EPS15L1: variants seen among roughly 807,000 people sequenced by gnomAD.
EPS15L1 encodes epidermal growth factor receptor pathway substrate 15 like 1, also known as epidermal growth factor receptor substrate 15-like 1.
Under a neutral mutation model 117.1 loss-of-function variants are expected in EPS15L1, and 43 were observed. The observed-to-expected ratio is 0.37, with a 90% CI of 0.29 to 0.47. The LOEUF is 0.47. Among genes scored for constraint, EPS15L1 ranks in the 20% least tolerant of loss-of-function variants. The probability of loss-of-function intolerance (pLI) is 0.99; values close to 1 mark genes in which losing one functional copy is unlikely to be tolerated. For synonymous variants in EPS15L1, 459 were observed against 470.5 expected, an observed-to-expected ratio of 0.98 and a Z score of 0.32; for missense variants, 981 against 1,164.0, an observed-to-expected ratio of 0.84 and a Z score of 2.29.
chr19:16,467,743 A>G (rs548766207), intron 1 of EPS15L1, among the ~76,000 whole-genome samples: 38 of 152,362 alleles, frequency 2.5e-4, no homozygotes, highest in Middle Eastern at 3.4e-3. Context: ...CGAGCCACTC[A>G]GCATTCATTC....
chr19:16,373,714 C>T (rs900444780), intron 22 of EPS15L1, among the ~76,000 whole-genome samples: 3 of 152,144 alleles, frequency 2.0e-5, no homozygotes, highest in Non-Finnish European at 4.4e-5. Flanking sequence ...GGCTCTGATT[C>T]CCTTGACCAG....
Position 16,377,265 on chromosome 19 carries a change from G to C in EPS15L1, c.2248-11C>G. The C allele has an allele frequency of 6.2e-7, 1 of 1,608,580 alleles. No homozygotes were observed. Among genetic ancestry groups the C allele is most frequent in the Non-Finnish European group, 8.5e-7 (1 of 1,178,482 alleles). ...GCCAGAAGGTGGGGGCTGTAAGAGA[G>C]GACATGAAAGAGAGGCAAAAATAGT... On this transcript the variant is annotated splice_polypyrimidine_tract_variant and intron_variant, in intron 21 of 23. Transcript: ENST00000455140.
intron 4 of EPS15L1, 130 bp from the exon 5 acceptor site, chr19:16,437,995 C>T: frequency 1.5e-6 from 1 of 676,698 alleles, no homozygotes. Flanking sequence ...GTGCAAAAAC[C>T]CCTTGGAGCG....
intron 1 of EPS15L1, among the ~76,000 whole-genome samples, chr19:16,461,909 C>T (rs1406404740): frequency 2.6e-5 from 4 of 152,316 alleles, no homozygotes; most frequent in South Asian, 2.1e-4. Flanking sequence ...AGACAGACTG[C>T]GCTCCTGGCT....
rs1295847011 is a variant in EPS15L1 at position 16,393,356 on chromosome 19, A to G, written c.1966+595T>C. Among the ~76,000 whole-genome samples the G allele has an allele frequency of 2.0e-5, 3 of 152,110 alleles. No individual in the cohort carries two copies. In the East Asian group the frequency reaches 5.8e-4, roughly 29 times the overall value. On this transcript the variant is annotated intron_variant, in intron 18 of 23. Coordinates refer to ENST00000455140, the MANE Select transcript of EPS15L1 (RefSeq NM_001258374.3). The stretch of plus-strand genomic sequence containing the variant: ...ATGTTACATAAATTTCACCTGAAAA[A>G]AAATAAATCGGTCGGGCATGGTGGC...
intron 18 of EPS15L1, 139 bp downstream of exon 18, chr19:16,393,812 C>A (rs2092510074): frequency 1.8e-5 from 16 of 871,294 alleles, no homozygotes; most frequent in Non-Finnish European, 3.0e-5. Flanking sequence ...AGAATGGGTA[C>A]AACATGGATG....
intron 7 of EPS15L1, among the ~76,000 whole-genome samples, chr19:16,431,157 C>T (rs1318499856): frequency 2.0e-5 from 3 of 150,910 alleles, no homozygotes; most frequent in Non-Finnish European, 3.0e-5. Flanking sequence ...GAGAATTGCT[C>T]GAACCAGGGA....
rs1173693084 is a variant in EPS15L1 at position 16,404,910 on chromosome 19, T to C, written c.1267-161A>G. 6.6e-6 allele frequency among the ~76,000 whole-genome samples: 1 copy of C among 152,214 alleles called. No homozygotes were observed. Among genetic ancestry groups the C allele is most frequent in the East Asian group, 1.9e-4 (1 of 5,196 alleles). On this transcript the variant is annotated intron_variant, in intron 13 of 23. Coordinates refer to ENST00000455140, the MANE Select transcript of EPS15L1 (RefSeq NM_001258374.3). This position sits in a 1 kb window ranked among gnomAD's most constrained non-coding sequence, Gnocchi z 4.2. ...TCCGTGCACACCCACGGCCAATGTG[T>C]GCCTCTTGGGCTGGAGGCCCAGGGC...
intron 7 of EPS15L1, among the ~76,000 whole-genome samples, chr19:16,430,999 G>A (rs1353569387): frequency 6.6e-6 from 1 of 152,126 alleles, no homozygotes; most frequent in Non-Finnish European, 1.5e-5. Context: ...AGCACTTTGG[G>A]AGTCCAAGGC....
intron 12 of EPS15L1, among the ~76,000 whole-genome samples, chr19:16,416,331 A>G (rs2092756852): frequency 6.6e-6 from 1 of 152,086 alleles, no homozygotes; most frequent in Non-Finnish European, 1.5e-5. Context: ...ACCCTGTCCT[A>G]GAATCGACTG....
chr19:16,416,433 C>T (rs545547478), intron 12 of EPS15L1, among the ~76,000 whole-genome samples: 2 of 152,130 alleles, frequency 1.3e-5, no homozygotes, highest in South Asian at 2.1e-4. Context: ...CTCAGGAGTT[C>T]GAGACCAGCC....
chr19:16,420,198 G>A (rs1323621173), intron 10 of EPS15L1, among the ~76,000 whole-genome samples: 1 of 152,178 alleles, frequency 6.6e-6, no homozygotes, highest in Non-Finnish European at 1.5e-5. Context: ...TTTGCTGCCC[G>A]CATGGAATGA....
chr19:16,447,924 T>C (rs370297562), intron 1 of EPS15L1, among the ~76,000 whole-genome samples: 3 of 152,100 alleles, frequency 2.0e-5, no homozygotes, highest in South Asian at 2.1e-4. Flanking sequence ...CAGAACAGAA[T>C]GTAGAATCTG....
intron 3 of EPS15L1, chr19:16,441,641 A>T: frequency 3.4e-6 from 1 of 290,988 alleles, no homozygotes; most frequent in Non-Finnish European, 6.4e-6. Flanking sequence ...AAAAAAAAAA[A>T]AAAAAAAAAA....
intron 12 of EPS15L1, among the ~76,000 whole-genome samples, chr19:16,416,997 G>A (rs997540700): frequency 2.0e-5 from 3 of 152,222 alleles, no homozygotes; most frequent in African/African-American, 4.8e-5. Flanking sequence ...TTCAGCTGCT[G>A]GGTCCTAAGC....
intron 16 of EPS15L1, among the ~76,000 whole-genome samples, chr19:16,397,776 A>G (rs1458307857): frequency 6.6e-6 from 1 of 152,160 alleles, no homozygotes; most frequent in African/African-American, 2.4e-5. Context: ...ACATTTTTGT[A>G]ATGGGAAGTA....
chr19:16,462,887 A>C (rs2093267008), intron 1 of EPS15L1, among the ~76,000 whole-genome samples: 1 of 152,170 alleles, frequency 6.6e-6, no homozygotes, highest in Non-Finnish European at 1.5e-5. Context: ...AAGGAGGCAC[A>C]GGCGCCCTCT....
rs760252587 is a variant in EPS15L1, at chr19:16,421,429, A to G, written c.840T>C (p.Asp280=). 1 of 1,610,390 alleles carries G rather than the reference A, an allele frequency of 6.2e-7. No homozygotes were observed. The highest frequency in any genetic ancestry group is 1.1e-5 in the South Asian group (1 of 90,996). Residue 280 remains aspartate (D), a synonymous_variant, in exon 10 of 24, where the codon GAT becomes GAC. Coordinates refer to ENST00000455140, the MANE Select transcript of EPS15L1 (RefSeq NM_001258374.3). ...CCAGGTCGGTCTTCAGGAATATCTCATCAAATCGCATCTTGTCTGCCACGG... is the reference window on the plus strand; with the variant it reads ...CCAGGTCGGTCTTCAGGAATATCTCGTCAAATCGCATCTTGTCTGCCACGG... The part of the protein sequence containing the change: ...VVPVADKMRF[D]EIFLKTDLDL...
rs535404238 is a variant in EPS15L1 at position 16,441,875 on chromosome 19, T to C, written c.165+17A>G. 15 of 1,592,258 alleles carry C rather than the reference T, an allele frequency of 9.4e-6. No homozygotes were observed. The highest frequency in any genetic ancestry group is 5.1e-5 in the Admixed American group (3 of 59,266). On this transcript the variant is annotated intron_variant, in intron 3 of 23. Transcript: ENST00000455140. ...AGGGCAGCCACAGAAGAGAAATCAC[T>C]ATTCATCTTCACATACCTTCCCAAG... is the stretch of plus-strand genomic sequence containing the variant.
Sources: allele counts gnomAD v4.1 joint callset (sites outside exome capture counted in the v4.1 genomes callset), GRCh38; gene constraint gnomAD v4.1.1; non-coding constraint Gnocchi (gnomAD v3.1); transcripts MANE v1.5; gene names NCBI Gene and HGNC (gene_info 2026-07-23, HGNC 2026-07-21).